Variants in SPATS2L observed in about 807,000 individuals in gnomAD.
SPATS2L encodes SPATS2-like protein.
A neutral mutation model predicts 59.6 loss-of-function variants in SPATS2L; 30 were observed. The ratio of observed to expected loss-of-function variants is 0.50; its 90% CI spans 0.38 to 0.68. The LOEUF (loss-of-function observed/expected upper bound fraction) is 0.68. SPATS2L is among the 30% of genes least tolerant of loss of function. The pLI is 0.00. For synonymous variants in SPATS2L, 252 were observed against 263.5 expected (o/e 0.96, Z 0.42); for missense variants, 615 against 700.0 (o/e 0.88, Z 1.37).
At chr2:200,421,947 A>T (rs1023834505) in intron 6 of SPATS2L, among the ~76,000 whole-genome samples, 6 of 152,248 alleles carry the variant, frequency 3.9e-5, no homozygotes, top group African/African-American at 1.4e-4. Flanking sequence ...TACCTTCTTT[A>T]TAAAACAATG....
At chr2:200,351,100 T>C (rs1295158284) in intron 2 of SPATS2L, 7 of 385,498 alleles carry the variant, frequency 1.8e-5, no homozygotes, top group Non-Finnish European at 3.7e-5. Context: ...CAATCATGTT[T>C]ATGCAAGTGT....
chr2:200,322,921 G>A (rs528292106), intron 1 of SPATS2L, among the ~76,000 whole-genome samples: 1 of 152,306 alleles, frequency 6.6e-6, no homozygotes, highest in East Asian at 1.9e-4. Flanking sequence ...TGGTTTTTGA[G>A]ATCTCGAATT....
At chr2:200,438,974 T>C in intron 6 of SPATS2L, 148 bp from the exon 7 acceptor site, 1 of 644,866 alleles carries the variant, frequency 1.6e-6, no homozygotes, top group Non-Finnish European at 2.8e-6. Context: ...TTCTGGGGAT[T>C]CTTTTAAAAC....
intron 3 of SPATS2L, among the ~76,000 whole-genome samples, chr2:200,404,597 G>T (rs1432706936): frequency 6.6e-6 from 1 of 152,138 alleles, no homozygotes; most frequent in African/African-American, 2.4e-5. Flanking sequence ...AAGGAGGGAG[G>T]AAGAGAAGTG....
chr2:200,457,968 AGAT>A (rs1403439832), intron 8 of SPATS2L, among the ~76,000 whole-genome samples: 2 of 152,258 alleles, frequency 1.3e-5, no homozygotes, highest in African/African-American at 4.8e-5. Context: ...AGAGTAATAA[AGAT>A]GATAACAGTG....
At position 200,473,036 on chromosome 2, in the gene SPATS2L, TGCCGGCCAACAA is replaced by T; in HGVS notation, c.1268_1279del (p.Pro423_Lys426del). 2 of 1,609,736 alleles carry T rather than the reference TGCCGGCCAACAA, an allele frequency of 1.2e-6. No homozygotes were observed. The highest frequency in any genetic ancestry group is 1.7e-6 in the Non-Finnish European group (2 of 1,178,896). On this transcript the variant is annotated inframe_deletion, in exon 12 of 13. Coordinates refer to ENST00000409140, the MANE Select transcript of SPATS2L (RefSeq NM_001100423.2). ...ACCGCCGACCCCTCTCACCAGACCA[TGCCGGCCAACAA>T]GCAGGTAAGCCGACACTGGTGCAGG... is the stretch of plus-strand genomic sequence containing the variant.
At chr2:200,333,160 C>T (rs1170982727) in intron 2 of SPATS2L, among the ~76,000 whole-genome samples, 3 of 151,314 alleles carry the variant, frequency 2.0e-5, no homozygotes, top group African/African-American at 7.3e-5. Flanking sequence ...GTGGTGTGTG[C>T]CTGTAGTCCC....
chr2:200,445,121 G>A (rs1215091315), intron 8 of SPATS2L, among the ~76,000 whole-genome samples: 1 of 151,742 alleles, frequency 6.6e-6, no homozygotes, highest in Non-Finnish European at 1.5e-5. Flanking sequence ...AACCAATCTG[G>A]GCAACACAGC....
chr2:200,352,334 T>C (rs2080766543), intron 2 of SPATS2L, among the ~76,000 whole-genome samples: 1 of 14,904 alleles, frequency 6.7e-5, no homozygotes. Flanking sequence ...TATATATATA[T>C]ATATATATAT....
intron 1 of SPATS2L, among the ~76,000 whole-genome samples, chr2:200,310,232 A>G (rs910045709): frequency 3.9e-5 from 6 of 152,162 alleles, no homozygotes; most frequent in African/African-American, 1.4e-4. Context: ...TCTTCCTTTT[A>G]TGATGAAAAG....
chr2:200,351,125 G>A (rs2080714153), intron 2 of SPATS2L: 1 of 408,878 alleles, frequency 2.4e-6, no homozygotes, highest in East Asian at 7.2e-5. Context: ...AAAATGAAAT[G>A]CACCACTATG....
intron 3 of SPATS2L, among the ~76,000 whole-genome samples, chr2:200,408,062 G>A (rs912051981): frequency 6.6e-6 from 1 of 152,158 alleles, no homozygotes; most frequent in East Asian, 1.9e-4. Flanking sequence ...GAGCTATAAA[G>A]GAAAAGGGGC....
At chr2:200,413,214 TCTAAGAGGA>T (rs2105991519) in intron 4 of SPATS2L, among the ~76,000 whole-genome samples, 1 of 152,368 alleles carries the variant, frequency 6.6e-6, no homozygotes, top group East Asian at 1.9e-4. Context: ...GCTTATGTAG[TCTAAGAGGA>T]CTGGTTTATT....
At chr2:200,366,411 A>G (rs950158472) in intron 2 of SPATS2L, among the ~76,000 whole-genome samples, 1 of 152,176 alleles carries the variant, frequency 6.6e-6, no homozygotes, top group Admixed American at 6.5e-5. Flanking sequence ...AATTCTGCTT[A>G]TGTTTGCTTT....
chr2:200,370,933 AGTACGACAAAATTAATTTGAG>A (rs1442560050), intron 2 of SPATS2L, among the ~76,000 whole-genome samples: 1 of 152,230 alleles, frequency 6.6e-6, no homozygotes, highest in Admixed American at 6.5e-5. Context: ...CAGCCAGATT[AGTACGACAAAATTAATTTGAG>A]CCAAATGTAA....
chr2:200,383,334 A>G (rs1208000826), intron 2 of SPATS2L, among the ~76,000 whole-genome samples: 1 of 152,278 alleles, frequency 6.6e-6, no homozygotes, highest in East Asian at 1.9e-4. Context: ...TATTTAATCC[A>G]ATCTATCAAA....
intron 3 of SPATS2L, among the ~76,000 whole-genome samples, chr2:200,401,540 A>G (rs1453223620): frequency 6.6e-6 from 1 of 152,172 alleles, no homozygotes; most frequent in East Asian, 1.9e-4. Flanking sequence ...TAGTGAGTAC[A>G]CTCAGGTAAA....
rs779584694 is a variant in SPATS2L, at chr2:200,477,852, G to A, written c.1498G>A (p.Glu500Lys). The A allele has an allele frequency of 8.8e-6, 14 of 1,590,278 alleles. No individual in the cohort carries two copies. Among genetic ancestry groups the A allele is most frequent in the South Asian group, 3.4e-5 (3 of 88,042 alleles). The change falls in exon 13 of 13, where the codon GAG becomes AAG. Residue 500 changes from glutamate (E) to lysine (K), a missense_variant. Physicochemically the swap from Glu to Lys is moderately conservative, Grantham distance 56. This residue lies in a region of SPATS2L where 284 missense variants were observed against 280.1 expected (regional missense o/e 1.01). Coordinates refer to ENST00000409140, the MANE Select transcript of SPATS2L (RefSeq NM_001100423.2). ...QEASLGMKTP[E>K]APAHSEKPRR... ...GGCTTCCTTGGGGATGAAGACCCCCGAGGCCCCGGCCCATTCTGAAAAGCC... is the reference window on the plus strand; with the variant it reads ...GGCTTCCTTGGGGATGAAGACCCCCAAGGCCCCGGCCCATTCTGAAAAGCC...
At chr2:200,368,129 A>G (rs991124856) in intron 2 of SPATS2L, among the ~76,000 whole-genome samples, 2 of 152,186 alleles carry the variant, frequency 1.3e-5, no homozygotes, top group African/African-American at 2.4e-5. Context: ...GTTTCCGTGG[A>G]GCAGGAATCC....
Sources: gnomAD v4.1 joint callset for allele counts (sites outside exome capture counted in the v4.1 genomes callset) on GRCh38, gnomAD v4.1.1 for gene constraint, gnomAD v4.1.1 regional missense constraint, MANE v1.5 for transcripts, NCBI Gene and HGNC (gene_info 2026-07-23, HGNC 2026-07-21) for gene names.